Variants in MYOF observed in about 807,000 individuals in gnomAD.
MYOF encodes the protein fer-1-like 3, myoferlin.
Under a neutral mutation model 284.2 loss-of-function variants are expected in MYOF, and 244 were observed. That is an observed-to-expected ratio of 0.86 (90% CI 0.77 to 0.95). MYOF has a LOEUF of 0.95. Ranked by LOEUF, MYOF falls within the 40% of genes least tolerant of loss-of-function variation. MYOF has a pLI of 0.00. For missense variants in MYOF, 2,496 were observed against 2,560.6 expected (o/e 0.97, Z 0.54); for synonymous variants, 904 against 919.7 (o/e 0.98, Z 0.31).
chr10:93,315,639 C>T (rs938951603), intron 50 of MYOF, among the ~76,000 whole-genome samples: 1 of 152,102 alleles, frequency 6.6e-6, no homozygotes, highest in Non-Finnish European at 1.5e-5. Flanking sequence ...ACCCTCACAA[C>T]GATTTCCTTT....
chr10:93,427,890 C>T (rs77713284), intron 4 of MYOF, among the ~76,000 whole-genome samples: 1 of 152,164 alleles, frequency 6.6e-6, no homozygotes, highest in African/African-American at 2.4e-5. Flanking sequence ...TTCATGGACC[C>T]ACAAAATTTC....
At chr10:93,410,298 C>T (rs575985837) in intron 5 of MYOF, among the ~76,000 whole-genome samples, 16 of 152,270 alleles carry the variant, frequency 1.1e-4, no homozygotes, top group African/African-American at 3.9e-4. Flanking sequence ...CCTTCCTCCT[C>T]CTGGTTTGTC....
At chr10:93,382,624 T>C (rs1012322816) in intron 19 of MYOF, among the ~76,000 whole-genome samples, 2 of 152,188 alleles carry the variant, frequency 1.3e-5, no homozygotes, top group African/African-American at 4.8e-5. Flanking sequence ...CAAGCCTTCC[T>C]TCATGGGCAC....
At chr10:93,339,599 A>T (rs906841231) in intron 39 of MYOF, among the ~76,000 whole-genome samples, 42 of 129,602 alleles carry the variant, frequency 3.2e-4, no homozygotes, top group African/African-American at 1.1e-3. Context: ...CCTCCCGAAA[A>T]TCTGGGATTA....
At chr10:93,409,223 C>T (rs1847779750) in intron 6 of MYOF, among the ~76,000 whole-genome samples, 1 of 152,184 alleles carries the variant, frequency 6.6e-6, no homozygotes, top group Non-Finnish European at 1.5e-5. Context: ...TCTTGCTGAG[C>T]CTAGTGATGA....
rs564944666 is a variant in MYOF, at chr10:93,325,632, C to T, written c.5271+194G>A. Among the ~76,000 whole-genome samples the T allele has an allele frequency of 3.2e-4, 49 of 151,474 alleles. 1 individual carries two copies. The highest frequency in any genetic ancestry group is 1.9e-3 in the East Asian group (10 of 5,180). On this transcript the variant is annotated intron_variant, in intron 46 of 53. Transcript: ENST00000359263. ...GTTTGTTCTGAGTCATGGCCAATCT[C>T]CTATCTAGATTTAGAGAGTTACCTG...
chr10:93,411,024 G>T, intron 5 of MYOF, among the ~76,000 whole-genome samples: 1 of 152,312 alleles, frequency 6.6e-6, no homozygotes, highest in South Asian at 2.1e-4. Flanking sequence ...GTAAAGAGGG[G>T]AAAATAATAG....
intron 4 of MYOF, among the ~76,000 whole-genome samples, chr10:93,428,312 T>C (rs1390492153): frequency 6.6e-6 from 1 of 151,594 alleles, no homozygotes; most frequent in Non-Finnish European, 1.5e-5. Context: ...GTGATTCTCC[T>C]GCTTCAGCCT....
In MYOF at chr10:93,329,608, C is replaced by A. The variant is rs1843212721; in HGVS notation, c.4982+56G>T. The A allele has an allele frequency of 3.1e-6, 5 of 1,597,514 alleles. No individual in the cohort carries two copies. In the Admixed American group the frequency reaches 8.4e-5, roughly 27 times the overall value. On this transcript the variant is annotated intron_variant, in intron 44 of 53. Transcript: ENST00000359263. ...ACTAAGGTAGAGGGCCTAGGCCTCC[C>A]CAGGTGCCAATGTCAGAGGCAGCAA...
At chr10:93,340,485 G>C (rs954613805) in intron 38 of MYOF, among the ~76,000 whole-genome samples, 2 of 152,092 alleles carry the variant, frequency 1.3e-5, no homozygotes, top group African/African-American at 4.8e-5. Context: ...TTTCCCAGTC[G>C]GGAGCACACA....
At position 93,406,288 on chromosome 10, in the gene MYOF, TTATATATATATATATA is replaced by T. The variant is rs3980375; in HGVS notation, c.730-2085_730-2070del. Among the ~76,000 whole-genome samples the T allele has an allele frequency of 2.6e-3, 150 of 58,152 alleles. 25 individuals are homozygous for T. Among genetic ancestry groups the T allele is most frequent in the Admixed American group, 0.021 (76 of 3,602 alleles). The allele number at this position is 58,152 out of a possible 152,430, so 38.1% of individuals were successfully genotyped here. A position where few individuals can be genotyped will look rare whatever the true frequency, so the allele number is the denominator to read the frequency against. ...TAGAAATTTTTTTAGTAAACCTCTT[TTATATATATATATATA>T]TATATATATATATTTGTTTTTATCA... is the stretch of plus-strand genomic sequence containing the variant. On this transcript the variant is annotated intron_variant, in intron 7 of 53. Transcript: ENST00000359263.
intron 17 of MYOF, 112 bp downstream of exon 17, chr10:93,392,805 A>G (rs1846761635): frequency 1.0e-6 from 1 of 970,696 alleles, no homozygotes; most frequent in Admixed American, 2.1e-5. Flanking sequence ...TAGCAAAACT[A>G]TGTTGAGACA....
intron 48 of MYOF, among the ~76,000 whole-genome samples, chr10:93,321,890 GTATT>G (rs1842857389): frequency 6.6e-6 from 1 of 151,642 alleles, no homozygotes; most frequent in Non-Finnish European, 1.5e-5. Flanking sequence ...TTCACATGTC[GTATT>G]TAGATTTTTA....
At chr10:93,442,382 A>G (rs1191425990) in intron 3 of MYOF, among the ~76,000 whole-genome samples, 3 of 152,254 alleles carry the variant, frequency 2.0e-5, no homozygotes, top group African/African-American at 7.2e-5. Context: ...TTATTGAGGA[A>G]GTATCACAGT....
chr10:93,373,154 C>A, intron 23 of MYOF, 69 bp from the exon 24 acceptor site: 1 of 1,577,422 alleles, frequency 6.3e-7, no homozygotes, highest in Non-Finnish European at 8.7e-7. Flanking sequence ...GGACCGAAGA[C>A]CCTGCAGGCT....
In MYOF at chr10:93,370,314, A is replaced by ATTTTTTTTTTTT. The variant is rs916555324; in HGVS notation, c.2458-550_2458-539dup. 3.9e-4 allele frequency among the ~76,000 whole-genome samples: 48 copies of ATTTTTTTTTTTT among 122,422 alleles called. 4 individuals are homozygous for ATTTTTTTTTTTT. Among genetic ancestry groups the ATTTTTTTTTTTT allele is most frequent in the African/African-American group, 1.6e-3 (45 of 28,272 alleles). The allele number at this position is 122,422 out of a possible 152,430, so 80.3% of individuals were successfully genotyped here. ...GTTGATCAAGCAGTAATGATTACTA[A>ATTTTTTTTTTTT]TTTTTTTTTTTTTTTTTTTTTGAGA... is the stretch of plus-strand genomic sequence containing the variant. On this transcript the variant is annotated intron_variant, in intron 24 of 53. Coordinates refer to ENST00000359263, the MANE Select transcript of MYOF (RefSeq NM_013451.4).
At chr10:93,377,301 G>GAT (rs756120895) in intron 22 of MYOF, 22 bp downstream of exon 22, 1 of 1,553,082 alleles carries the variant, frequency 6.4e-7, no homozygotes, top group African/African-American at 1.4e-5. Flanking sequence ...AAAATTCTGA[G>GAT]ATAGGCGTAA....
At chr10:93,479,013 G>C (rs73323426) in intron 1 of MYOF, among the ~76,000 whole-genome samples, 2 of 151,806 alleles carry the variant, frequency 1.3e-5, no homozygotes, top group Non-Finnish European at 2.9e-5. Context: ...ATTCTTCACC[G>C]TCTTATAGTT....
intron 1 of MYOF, among the ~76,000 whole-genome samples, chr10:93,481,069 G>A (rs2057375692): frequency 1.3e-5 from 2 of 151,848 alleles, no homozygotes; most frequent in Non-Finnish European, 2.9e-5. Context: ...AATAGATAAA[G>A]CCTCCACACT....
Sources: gnomAD v4.1 joint callset for allele counts (sites outside exome capture counted in the v4.1 genomes callset) on GRCh38, gnomAD v4.1.1 for gene constraint, MANE v1.5 for transcripts, NCBI Gene and HGNC (gene_info 2026-07-23, HGNC 2026-07-21) for gene names.